The following MYRFL variants were observed in gnomAD, a reference collection of about 807,000 sequenced individuals.
The protein encoded by MYRFL is myelin regulatory factor like.
In MYRFL, 88 loss-of-function variants were observed where a neutral mutation model predicts 109.4. The observed-to-expected ratio is 0.80, with a 90% CI of 0.68 to 0.96. The LOEUF is 0.96. Among genes scored for constraint, MYRFL ranks in the 40% least tolerant of loss-of-function variants. MYRFL has a pLI of 0.00. For synonymous variants in MYRFL, 324 were observed against 320.9 expected, an observed-to-expected ratio of 1.01 and a Z score of -0.10; for missense variants, 957 against 954.9, an observed-to-expected ratio of 1.00 and a Z score of -0.03.
intron 21 of MYRFL, among the ~76,000 whole-genome samples, chr12:69,954,329 C>T (rs1309735020): frequency 1.3e-5 from 2 of 152,154 alleles, no homozygotes; most frequent in Admixed American, 6.5e-5. Flanking sequence ...AAATGCATTC[C>T]ATTTATCTAA....
intron 1 of MYRFL, among the ~76,000 whole-genome samples, chr12:69,837,964 A>G (rs1238517281): frequency 6.6e-6 from 1 of 152,148 alleles, no homozygotes; most frequent in Non-Finnish European, 1.5e-5. Context: ...ACTCAAATGT[A>G]TGTGTTGAGT....
intron 19 of MYRFL, 99 bp from the exon 20 acceptor site, chr12:69,952,014 G>T: frequency 1.1e-6 from 1 of 922,926 alleles, no homozygotes. Context: ...GAAAGGGTGG[G>T]GGAACACTCA....
At chr12:69,955,527 G>A (rs935281388) in intron 22 of MYRFL, 90 bp downstream of exon 22, 67 of 524,902 alleles carry the variant, frequency 1.3e-4, no homozygotes, top group Middle Eastern at 5.5e-4. Flanking sequence ...CAGTCGTTAA[G>A]AGGCAGAAAG....
chr12:69,877,266 G>T (rs1477409161), intron 2 of MYRFL, among the ~76,000 whole-genome samples: 1 of 151,792 alleles, frequency 6.6e-6, no homozygotes, highest in African/African-American at 2.4e-5. Flanking sequence ...CTCGTGATCC[G>T]CCCGCCTCCG....
chr12:69,939,432 A>G (rs1448577824), intron 19 of MYRFL, among the ~76,000 whole-genome samples: 1 of 152,130 alleles, frequency 6.6e-6, no homozygotes, highest in Non-Finnish European at 1.5e-5. Context: ...GCAGGGGCAC[A>G]CTGACACCTC....
At chr12:69,836,099 G>A (rs1233483015) in intron 1 of MYRFL, among the ~76,000 whole-genome samples, 1 of 152,198 alleles carries the variant, frequency 6.6e-6, no homozygotes, top group Non-Finnish European at 1.5e-5. Flanking sequence ...AGCAGGTGGG[G>A]GAACCAGAAG....
At chr12:69,902,195 C>G (rs919188757) in intron 10 of MYRFL, among the ~76,000 whole-genome samples, 1 of 152,166 alleles carries the variant, frequency 6.6e-6, no homozygotes, top group Non-Finnish European at 1.5e-5. Flanking sequence ...CACACCTGGC[C>G]TCTTTCACTG....
chr12:69,861,490 G>C (rs1884660920), intron 2 of MYRFL, among the ~76,000 whole-genome samples: 1 of 152,182 alleles, frequency 6.6e-6, no homozygotes, highest in Non-Finnish European at 1.5e-5. Context: ...GCACTTCTCT[G>C]ATGGCCAGTG....
chr12:69,936,512 T>C lies in MYRFL; in HGVS notation c.2104T>C (p.Cys702Arg). 6.5e-7 allele frequency: 1 copy of C among 1,536,148 alleles called. No individual in the cohort carries two copies. The change falls in exon 19 of 25, where the codon TGT becomes CGT. Residue 702 changes from cysteine (C) to arginine (R), a missense_variant. Coordinates refer to ENST00000552032, the MANE Select transcript of MYRFL (RefSeq NM_182530.3). Reference protein sequence around the residue: ...ASLQVPEITFCEILPCQETYC... With the variant: ...ASLQVPEITFREILPCQETYC... Reference sequence around the variant, plus strand: ...CTTACAAGTACCTGAAATTACTTTCTGTGAAATCCTGCCGTGTCAGGAGAC... The same window carrying C: ...CTTACAAGTACCTGAAATTACTTTCCGTGAAATCCTGCCGTGTCAGGAGAC...
chr12:69,843,530 T>TCCTTTATATA (rs1883361669), intron 1 of MYRFL, among the ~76,000 whole-genome samples: 1 of 152,080 alleles, frequency 6.6e-6, no homozygotes, highest in South Asian at 2.1e-4. Flanking sequence ...AGGTGGTGAG[T>TCCTTTATATA]GGAGAAGGCA....
At chr12:69,954,362 G>T (rs1396449503) in intron 21 of MYRFL, among the ~76,000 whole-genome samples, 1 of 152,160 alleles carries the variant, frequency 6.6e-6, no homozygotes, top group African/African-American at 2.4e-5. Context: ...CAAACAAACT[G>T]CTCCTGATCC....
At chr12:69,943,012 G>A (rs375913050) in intron 19 of MYRFL, among the ~76,000 whole-genome samples, 17,097 of 147,158 alleles carry the variant, frequency 0.12, 1,175 homozygotes, top group Middle Eastern at 0.18. Flanking sequence ...ACTACAAACC[G>A]CTGCTCAAGG....
chr12:69,911,982 C>A (rs1279959068), intron 13 of MYRFL, among the ~76,000 whole-genome samples: 1 of 152,214 alleles, frequency 6.6e-6, no homozygotes, highest in African/African-American at 2.4e-5. Context: ...TAATGCCAAT[C>A]TTACCAACCT....
chr12:69,923,994 C>T (rs1954991431), intron 13 of MYRFL, among the ~76,000 whole-genome samples: 1 of 151,952 alleles, frequency 6.6e-6, no homozygotes, highest in African/African-American at 2.4e-5. Context: ...TCAAGACCAT[C>T]CTGGCTAACA....
At chr12:69,956,767 G>T (rs968613219) in intron 22 of MYRFL, among the ~76,000 whole-genome samples, 3 of 152,074 alleles carry the variant, frequency 2.0e-5, no homozygotes, top group African/African-American at 7.2e-5. Flanking sequence ...CCTTGGAAAG[G>T]TTTCTTTTAA....
chr12:69,836,660 C>G (rs1406721165), intron 1 of MYRFL, among the ~76,000 whole-genome samples: 1 of 152,124 alleles, frequency 6.6e-6, no homozygotes. Context: ...AAGTGTTGTT[C>G]CTTAAGAAGC....
chr12:69,948,175 T>C (rs7972006), intron 19 of MYRFL, among the ~76,000 whole-genome samples: 42,327 of 152,062 alleles, frequency 0.28, 6,207 homozygotes, highest in East Asian at 0.48. Context: ...TATGGGTTTC[T>C]TATAACCAGC....
chr12:69,902,982 T>A (rs1306625878), intron 10 of MYRFL, among the ~76,000 whole-genome samples: 1 of 152,246 alleles, frequency 6.6e-6, no homozygotes, highest in Non-Finnish European at 1.5e-5. Flanking sequence ...TTGGGCAATT[T>A]ATTTATCTTT....
intron 13 of MYRFL, among the ~76,000 whole-genome samples, chr12:69,912,441 A>T (rs1954599806): frequency 6.6e-6 from 1 of 151,982 alleles, no homozygotes; most frequent in Non-Finnish European, 1.5e-5. Context: ...TAAAACAAAA[A>T]CTCTGTACCT....
Sources: gnomAD v4.1 joint callset for allele counts (sites outside exome capture counted in the v4.1 genomes callset) on GRCh38, gnomAD v4.1.1 for gene constraint, MANE v1.5 for transcripts, NCBI Gene and HGNC (gene_info 2026-07-23, HGNC 2026-07-21) for gene names.